ACER2: variants seen among roughly 807,000 people sequenced by gnomAD.
ACER2 encodes alkaline ceramidase 2.
Under a neutral mutation model 34.7 loss-of-function variants are expected in ACER2, and 26 were observed. The ratio of observed to expected loss-of-function variants is 0.75; its 90% confidence interval spans 0.55 to 1.04. The LOEUF is 1.04. Among genes scored for constraint, ACER2 ranks in the 50% least tolerant of loss-of-function variants. The pLI is 0.00. For synonymous variants in ACER2, 138 were observed against 132.1 expected (o/e 1.04, Z -0.31); for missense variants, 352 against 340.8 (o/e 1.03, Z -0.26).
chr9:19,436,988 C>T (rs1299870749), intron 4 of ACER2, among the ~76,000 whole-genome samples: 1 of 152,218 alleles, frequency 6.6e-6, no homozygotes, highest in East Asian at 1.9e-4. Context: ...CTGTGTAATA[C>T]AGGCTTTCAT....
intron 1 of ACER2, among the ~76,000 whole-genome samples, chr9:19,418,428 C>T (rs1200305994): frequency 1.3e-5 from 2 of 152,154 alleles, no homozygotes; most frequent in African/African-American, 2.4e-5. Flanking sequence ...TTCACAATAG[C>T]AAAGACTTGG....
At position 19,446,363 on chromosome 9, in the gene ACER2, C is replaced by T. The variant is rs1276936482; in HGVS notation, c.586C>T (p.Arg196Ter). 57 of 1,614,024 alleles carry T rather than the reference C, an allele frequency of 3.5e-5. No individual in the cohort carries two copies. The highest frequency in any genetic ancestry group is 8.9e-5 in the East Asian group (4 of 44,882). Residue 196 changes from arginine (R) to a stop codon, truncating the protein, a stop_gained, in exon 5 of 6, where the codon CGA becomes TGA. Transcript: ENST00000340967. LOFTEE classifies it high-confidence loss of function. The part of the protein sequence containing the change: ...TLALFCWISD[R>*]AFCELLSSFN... ...GGCCCTGTTCTGCTGGATCAGTGAC[C>T]GAGCTTTCTGCGAGCTGCTGTCATC...
intron 1 of ACER2, among the ~76,000 whole-genome samples, chr9:19,414,395 A>G (rs1830176721): frequency 6.6e-6 from 1 of 152,270 alleles, no homozygotes. Context: ...CAGATGCATC[A>G]GGATGAGACT....
At chr9:19,413,895 A>G (rs779998986) in intron 1 of ACER2, among the ~76,000 whole-genome samples, 9 of 152,200 alleles carry the variant, frequency 5.9e-5, no homozygotes, top group East Asian at 1.9e-4. Context: ...GGCTGAATCT[A>G]TCGGTCGATC....
At chr9:19,422,572 C>T (rs373368013) in intron 1 of ACER2, among the ~76,000 whole-genome samples, 5 of 151,800 alleles carry the variant, frequency 3.3e-5, no homozygotes, top group South Asian at 4.2e-4. Flanking sequence ...CAAAGGGCAA[C>T]GAAGGGGGAA....
chr9:19,435,546 GT>G (rs1020660470), intron 4 of ACER2, among the ~76,000 whole-genome samples: 1 of 152,188 alleles, frequency 6.6e-6, no homozygotes, highest in African/African-American at 2.4e-5. Flanking sequence ...TTAGGTAAAG[GT>G]TTTGCTCTTT....
At position 19,409,642 on chromosome 9, in the gene ACER2, C is replaced by G. The variant is rs914693563; in HGVS notation, c.108+450C>G. ...GGAGTGCTGGGAAGAGCACGCCCCC[C>G]GCAGGTCCCCGCGGCTGGGGTCACT... On this transcript the variant is annotated intron_variant, in intron 1 of 5. Transcript: ENST00000340967. 1.7e-5 allele frequency: 11 copies of G among 663,958 alleles called. No homozygotes were observed. The South Asian group carries it at 5.4e-4, about 32-fold the overall frequency. 41.1% of individuals were successfully genotyped at this position (663,958 alleles called of 1,614,324 possible).
chr9:19,413,615 AAAAAG>A (rs1170287437), intron 1 of ACER2, among the ~76,000 whole-genome samples: 3 of 152,002 alleles, frequency 2.0e-5, no homozygotes, highest in Admixed American at 6.6e-5. Flanking sequence ...AAAAAAAAAA[AAAAAG>A]AAAATATTTA....
chr9:19,409,431 A>C (rs1830018479), intron 1 of ACER2, among the ~76,000 whole-genome samples: 1 of 151,920 alleles, frequency 6.6e-6, no homozygotes, highest in Admixed American at 6.6e-5. Flanking sequence ...TTGTTTTGTG[A>C]TGGTCCTATT....
At position 19,451,213 on chromosome 9, in the gene ACER2, A is replaced by T. The variant is rs1190528275; in HGVS notation, c.*577A>T. ...CCTGGAGAAAGCTGGCCTGCTCCAG[A>T]CCCCACCATTCCCAGGCGCCCTTGG... On this transcript the variant is annotated 3_prime_UTR_variant, in exon 6 of 6. Coordinates refer to ENST00000340967, the MANE Select transcript of ACER2 (RefSeq NM_001010887.3). The T allele has an allele frequency of 6.6e-6, 1 of 152,242 alleles. No individual in the cohort carries two copies. The highest frequency in any genetic ancestry group is 2.4e-5 in the African/African-American group (1 of 41,426). 9.4% of individuals were successfully genotyped at this position (152,242 alleles called of 1,614,324 possible).
intron 4 of ACER2, among the ~76,000 whole-genome samples, chr9:19,443,539 A>G (rs1020764118): frequency 6.6e-6 from 1 of 152,224 alleles, no homozygotes; most frequent in Admixed American, 6.5e-5. Context: ...ATTTATGCAT[A>G]ATTTTATCCA....
rs1831575378 is a variant in ACER2 at position 19,451,704 on chromosome 9, C to A, written c.*1068C>A. On this transcript the variant is annotated 3_prime_UTR_variant, in exon 6 of 6. Transcript: ENST00000340967. ...CAGACCCACCATCTTTAAGACTTGACCTCTGTAAGTTTACCAAAGGGCTCC... is the reference window on the plus strand; with the variant it reads ...CAGACCCACCATCTTTAAGACTTGAACTCTGTAAGTTTACCAAAGGGCTCC... 1 of 152,166 alleles carries A rather than the reference C, an allele frequency of 6.6e-6. No individual in the cohort carries two copies. The highest frequency in any genetic ancestry group is 2.4e-5 in the African/African-American group (1 of 41,416). 9.4% of individuals were successfully genotyped at this position (152,166 alleles called of 1,614,324 possible).
At chr9:19,440,406 G>A (rs1479612732) in intron 4 of ACER2, among the ~76,000 whole-genome samples, 4 of 152,158 alleles carry the variant, frequency 2.6e-5, no homozygotes, top group Admixed American at 6.5e-5. Flanking sequence ...ATTAGGAGGT[G>A]GGCCCTTTTG....
rs1286270376 is a variant in ACER2 at position 19,451,455 on chromosome 9, C to A, written c.*819C>A. The A allele has an allele frequency of 6.6e-6, 1 of 152,652 alleles. No individual in the cohort carries two copies. Among genetic ancestry groups the A allele is most frequent in the Non-Finnish European group, 1.5e-5 (1 of 68,044 alleles). The allele number at this position is 152,652 out of a possible 1,614,324, so 9.5% of individuals were successfully genotyped here. A position where few individuals can be genotyped will look rare whatever the true frequency, so the allele number is the denominator to read the frequency against. On this transcript the variant is annotated 3_prime_UTR_variant, in exon 6 of 6. Transcript: ENST00000340967. ...GCATCTGTGAATCCTTTTACTACTA[C>A]CTCTGTGGAGAGATGGAGAGACTTC...
At chr9:19,429,082 C>A (rs1294192196) in intron 3 of ACER2, among the ~76,000 whole-genome samples, 1 of 151,808 alleles carries the variant, frequency 6.6e-6, no homozygotes, top group Non-Finnish European at 1.5e-5. Context: ...GCCACTGTGC[C>A]TGGCCTGAAT....
At chr9:19,449,274 T>C (rs539589825) in intron 5 of ACER2, among the ~76,000 whole-genome samples, 10 of 152,330 alleles carry the variant, frequency 6.6e-5, no homozygotes, top group African/African-American at 2.2e-4. Flanking sequence ...TGAACCCCCA[T>C]ATAGGCAACA....
chr9:19,435,163 G>A, intron 4 of ACER2, 79 bp downstream of exon 4: 1 of 1,523,736 alleles, frequency 6.6e-7, no homozygotes. Flanking sequence ...TTGCTGTCCT[G>A]TAGCAGAAGA....
At chr9:19,423,200 G>T (rs1830460448) in intron 1 of ACER2, among the ~76,000 whole-genome samples, 1 of 152,038 alleles carries the variant, frequency 6.6e-6, no homozygotes, top group African/African-American at 2.4e-5. Flanking sequence ...AAGTAAATTA[G>T]AATGATTCAT....
intron 1 of ACER2, among the ~76,000 whole-genome samples, chr9:19,411,527 T>C (rs1281963768): frequency 6.6e-6 from 1 of 152,106 alleles, no homozygotes; most frequent in Admixed American, 6.5e-5. Flanking sequence ...TGAGTCACCA[T>C]GCCCGGCCTT....
Sources: allele counts gnomAD v4.1 joint callset (sites outside exome capture counted in the v4.1 genomes callset), GRCh38; gene constraint gnomAD v4.1.1; transcripts MANE v1.5; gene names NCBI Gene and HGNC (gene_info 2026-07-23, HGNC 2026-07-21).